INPP5A: variants seen among roughly 807,000 people sequenced by gnomAD.
INPP5A encodes inositol polyphosphate-5-phosphatase A.
Under a neutral mutation model 65.2 loss-of-function variants are expected in INPP5A, and 14 were observed. The ratio of observed to expected loss-of-function variants is 0.21; its 90% CI spans 0.14 to 0.34. The LOEUF (loss-of-function observed/expected upper bound fraction) is 0.34. Ranked by LOEUF, INPP5A falls within the 10% of genes least tolerant of loss-of-function variation. The pLI is 1.00. For synonymous variants in INPP5A, 207 were observed against 208.3 expected (o/e 0.99, Z 0.05); for missense variants, 431 against 545.6 (o/e 0.79, Z 2.09).
intron 13 of INPP5A, among the ~76,000 whole-genome samples, chr10:132,778,902 C>T (rs893354876): frequency 6.6e-6 from 1 of 152,258 alleles, no homozygotes; most frequent in Non-Finnish European, 1.5e-5. Flanking sequence ...ACCTCTGCAG[C>T]CCTGGTCCCT....
At chr10:132,703,884 CCCCCCACACACACACGTGGCTTCA>C (rs1845486449) in intron 6 of INPP5A, among the ~76,000 whole-genome samples, 2 of 83,340 alleles carry the variant, frequency 2.4e-5, no homozygotes, top group Non-Finnish European at 4.8e-5. Context: ...CACGGCTTCA[CCCCCCACACACACACGTGGCTTCA>C]CCCCCACACA....
In INPP5A at chr10:132,630,832, G is replaced by C. The variant is rs944840218; in HGVS notation, c.118-15036G>C. ...GGCGGGGGACGTGCTTCTTAAACTA[G>C]AGCTGATTTGTGGGAGCTTCGATGG... On this transcript the variant is annotated intron_variant, in intron 2 of 15. Coordinates refer to ENST00000368594, the MANE Select transcript of INPP5A (RefSeq NM_005539.5). Among the ~76,000 whole-genome samples the C allele has an allele frequency of 4.6e-5, 7 of 152,314 alleles. No homozygotes were observed. In the East Asian group the frequency reaches 1.4e-3, roughly 29 times the overall value.
At chr10:132,709,491 C>T (rs913196) in intron 7 of INPP5A, among the ~76,000 whole-genome samples, 19,814 of 152,064 alleles carry the variant, frequency 0.13, 1,529 homozygotes, top group Middle Eastern at 0.21. Flanking sequence ...CCAGGCAGTG[C>T]AGGCTGCAGG....
intron 8 of INPP5A, among the ~76,000 whole-genome samples, chr10:132,726,335 G>T (rs899588853): frequency 2.0e-5 from 3 of 152,188 alleles, no homozygotes; most frequent in Non-Finnish European, 2.9e-5. Context: ...GTTCCTGCCG[G>T]TTCACCTGCA....
chr10:132,569,155 A>G (rs1051168510), intron 1 of INPP5A, among the ~76,000 whole-genome samples: 2 of 152,022 alleles, frequency 1.3e-5, no homozygotes, highest in Non-Finnish European at 2.9e-5. Flanking sequence ...AAATTATTTT[A>G]AACATTGAGC....
At chr10:132,712,262 A>G (rs1845650753) in intron 8 of INPP5A, among the ~76,000 whole-genome samples, 1 of 151,722 alleles carries the variant, frequency 6.6e-6, no homozygotes, top group Admixed American at 6.6e-5. Flanking sequence ...TTATGTATGT[A>G]ATTGTGTGTG....
chr10:132,765,087 C>T (rs56699139), intron 11 of INPP5A, among the ~76,000 whole-genome samples: 1,788 of 88,630 alleles, frequency 0.02, 44 homozygotes, highest in African/African-American at 0.071. Flanking sequence ...AGTCCTGCTG[C>T]GGTGGGAGGG....
Position 132,734,471 on chromosome 10 carries a change from G to A in INPP5A, c.732+7566G>A, listed in dbSNP as rs1163458356. Among the ~76,000 whole-genome samples, 5 of 152,256 alleles carry A rather than the reference G, an allele frequency of 3.3e-5. No homozygotes were observed. In the East Asian group the frequency reaches 7.7e-4, roughly 23 times the overall value. The stretch of plus-strand genomic sequence containing the variant: ...GCTCAGCATGGCCTGGGCAGAGTGC[G>A]GATTCGCAGCGTTTCCAGCTGCTCA... On this transcript the variant is annotated intron_variant, in intron 9 of 15. Transcript: ENST00000368594.
At chr10:132,604,714 G>A (rs2071823698) in intron 1 of INPP5A, among the ~76,000 whole-genome samples, 1 of 152,226 alleles carries the variant, frequency 6.6e-6, no homozygotes, top group South Asian at 2.1e-4. Context: ...CACTGCTCAG[G>A]ATGGAAAAAC....
intron 9 of INPP5A, among the ~76,000 whole-genome samples, chr10:132,735,081 C>T (rs1846152816): frequency 6.6e-6 from 1 of 152,208 alleles, no homozygotes; most frequent in African/African-American, 2.4e-5. Flanking sequence ...TTCCCCTGAG[C>T]CTTTCTGTCA....
At chr10:132,570,307 AC>A (rs2071325506) in intron 1 of INPP5A, among the ~76,000 whole-genome samples, 1 of 152,166 alleles carries the variant, frequency 6.6e-6, no homozygotes, top group South Asian at 2.1e-4. Flanking sequence ...GAACCAGATG[AC>A]CATTTGGGCT....
chr10:132,577,570 C>T (rs1424242918), intron 1 of INPP5A, among the ~76,000 whole-genome samples: 2 of 152,180 alleles, frequency 1.3e-5, no homozygotes, highest in Non-Finnish European at 2.9e-5. Flanking sequence ...GGGCCTGAGC[C>T]CCCCATGGGG....
At chr10:132,763,393 C>G (rs1261485602) in intron 11 of INPP5A, among the ~76,000 whole-genome samples, 5 of 152,272 alleles carry the variant, frequency 3.3e-5, no homozygotes, top group African/African-American at 4.8e-5. Context: ...TGCTGCATCT[C>G]TGATGTGGGG....
chr10:132,659,207 A>G lies in INPP5A; in HGVS notation c.306+8702A>G, dbSNP rs1220975849. On this transcript the variant is annotated intron_variant, in intron 4 of 15. Transcript: ENST00000368594. This position sits in a 1 kb window ranked among gnomAD's most constrained non-coding sequence, Gnocchi z 5.5. ...GGCAGACTCAGAGGCACAGGGGTTC[A>G]GATTGAGGCCTGGGGCTGAGGAAGC... Among the ~76,000 whole-genome samples, 1 of 152,164 alleles carries G rather than the reference A, an allele frequency of 6.6e-6. No individual in the cohort carries two copies. The highest frequency in any genetic ancestry group is 1.5e-5 in the Non-Finnish European group (1 of 68,018).
rs926960024 is a variant in INPP5A at position 132,705,640 on chromosome 10, C to A, written c.475-2673C>A. Among the ~76,000 whole-genome samples, 17 of 152,226 alleles carry A rather than the reference C, an allele frequency of 1.1e-4. 1 individual carries two copies. The highest frequency in any genetic ancestry group is 4.1e-4 in the African/African-American group (17 of 41,464). ...CCTAAAGCTGCTCTGAAAAATAAAG[C>A]CTATTACTTCTTTAAAAGTCTGCTT... On this transcript the variant is annotated intron_variant, in intron 6 of 15. Coordinates refer to ENST00000368594, the MANE Select transcript of INPP5A (RefSeq NM_005539.5). This position sits in a 1 kb window ranked among gnomAD's most constrained non-coding sequence, Gnocchi z 4.9.
At chr10:132,557,425 A>C (rs1034997755) in intron 1 of INPP5A, among the ~76,000 whole-genome samples, 2 of 152,268 alleles carry the variant, frequency 1.3e-5, no homozygotes, top group Non-Finnish European at 2.9e-5. Flanking sequence ...GCCCCCATGC[A>C]GAGTCACGAG....
At chr10:132,778,008 C>A in intron 13 of INPP5A, 1 of 1,219,706 alleles carries the variant, frequency 8.2e-7, no homozygotes, top group Non-Finnish European at 1.1e-6. Context: ...GTTCCTGGGC[C>A]ATGGGCAGCC....
intron 2 of INPP5A, among the ~76,000 whole-genome samples, chr10:132,632,726 A>G (rs1424891776): frequency 6.6e-6 from 1 of 152,134 alleles, no homozygotes; most frequent in African/African-American, 2.4e-5. Context: ...TAAAGTAAAT[A>G]TATTAAAACC....
In INPP5A at chr10:132,547,166, G is replaced by T. The variant is rs143120775; in HGVS notation, c.75+8995G>T. Among the ~76,000 whole-genome samples the T allele has an allele frequency of 2.0e-5, 3 of 152,252 alleles. No individual in the cohort carries two copies. The highest frequency in any genetic ancestry group is 4.4e-5 in the Non-Finnish European group (3 of 68,046). ...AGGCCCCACCTCTCCTCGCATGTGC[G>T]GCCTTGGGCTGTGTTTCACCTGTCA... On this transcript the variant is annotated intron_variant, in intron 1 of 15. Coordinates refer to ENST00000368594, the MANE Select transcript of INPP5A (RefSeq NM_005539.5). This position sits in a 1 kb window ranked among gnomAD's most constrained non-coding sequence, Gnocchi z 5.5.
Sources: gnomAD v4.1 joint callset for allele counts (sites outside exome capture counted in the v4.1 genomes callset) on GRCh38, gnomAD v4.1.1 for gene constraint, Gnocchi (gnomAD v3.1) non-coding constraint, MANE v1.5 for transcripts, NCBI Gene and HGNC (gene_info 2026-07-23, HGNC 2026-07-21) for gene names.